RYR2: variants seen among roughly 807,000 people sequenced by gnomAD.
RYR2 encodes the protein ryanodine receptor 2.
In RYR2, 227 loss-of-function variants were observed where a neutral mutation model predicts 601.1. The ratio of observed to expected loss-of-function variants is 0.38; its 90% CI spans 0.34 to 0.42. The LOEUF is 0.42. Ranked by LOEUF, RYR2 falls within the 10% of genes least tolerant of loss-of-function variation. The pLI is 1.00. For missense variants in RYR2, 4,646 were observed against 6,156.5 expected (o/e 0.75, Z 8.21); for synonymous variants, 2,223 against 2,175.1 (o/e 1.02, Z -0.61).
intron 1 of RYR2, among the ~76,000 whole-genome samples, chr1:237,116,335 A>G (rs1306510163): frequency 2.3e-4 from 35 of 152,146 alleles, no homozygotes; most frequent in Admixed American, 2.3e-3. Flanking sequence ...TGTGCCAGAA[A>G]CTGTGGTCAG....
At chr1:237,692,481 G>A (rs990363899) in intron 63 of RYR2, among the ~76,000 whole-genome samples, 4 of 152,102 alleles carry the variant, frequency 2.6e-5, no homozygotes, top group African/African-American at 9.7e-5. Context: ...AGGGTAGAAA[G>A]CACGTTTCTT....
chr1:237,444,562 A>G (rs1367839044), intron 13 of RYR2, among the ~76,000 whole-genome samples: 1 of 152,192 alleles, frequency 6.6e-6, no homozygotes, highest in East Asian at 1.9e-4. Flanking sequence ...AAACGGTTCT[A>G]CTTATATATA....
intron 10 of RYR2, among the ~76,000 whole-genome samples, chr1:237,395,809 G>A (rs1572131218): frequency 6.6e-6 from 1 of 151,976 alleles, no homozygotes; most frequent in Non-Finnish European, 1.5e-5. Context: ...ATGTCCCAAA[G>A]TGCTGGGATT....
At chr1:237,666,471 G>C (rs1414207168) in intron 56 of RYR2, 41 bp from the exon 57 acceptor site, 1 of 1,549,630 alleles carries the variant, frequency 6.5e-7, no homozygotes, top group East Asian at 2.3e-5. Context: ...CTCTTCACAA[G>C]GTTTTTAATG....
At chr1:237,432,620 A>G (rs537435951) in intron 12 of RYR2, among the ~76,000 whole-genome samples, 30 of 152,288 alleles carry the variant, frequency 2.0e-4, no homozygotes, top group African/African-American at 7.0e-4. Flanking sequence ...CTTTCCAATT[A>G]GGGCTGTCTC....
intron 10 of RYR2, among the ~76,000 whole-genome samples, chr1:237,412,849 C>T (rs932425328): frequency 3.3e-5 from 5 of 152,082 alleles, no homozygotes; most frequent in Non-Finnish European, 7.4e-5. Flanking sequence ...TGAGTATAAT[C>T]GTTTATTTGT....
At chr1:237,762,231 C>A (rs1300210792) in intron 84 of RYR2, among the ~76,000 whole-genome samples, 1 of 152,152 alleles carries the variant, frequency 6.6e-6, no homozygotes, top group Admixed American at 6.5e-5. Flanking sequence ...GCCTAAGGTT[C>A]TGGCCTGAGG....
At chr1:237,243,319 A>C (rs1003764907) in intron 1 of RYR2, among the ~76,000 whole-genome samples, 4 of 152,202 alleles carry the variant, frequency 2.6e-5, no homozygotes, top group African/African-American at 9.6e-5. Context: ...CAGAACTTCT[A>C]ACCAACTGGC....
chr1:237,521,339 A>G (rs976142642), intron 24 of RYR2, among the ~76,000 whole-genome samples: 69 of 152,198 alleles, frequency 4.5e-4, no homozygotes, highest in African/African-American at 1.6e-3. Flanking sequence ...TAGCACCTCT[A>G]GCTATTCTGT....
intron 25 of RYR2, among the ~76,000 whole-genome samples, chr1:237,539,266 T>A (rs1668994948): frequency 1.3e-5 from 2 of 152,240 alleles, no homozygotes; most frequent in East Asian, 1.9e-4. Context: ...AAGCATGTAT[T>A]TCCTGAGTGC....
At chr1:237,250,556 A>G (rs1228492257) in intron 1 of RYR2, among the ~76,000 whole-genome samples, 1 of 152,088 alleles carries the variant, frequency 6.6e-6, no homozygotes, top group Non-Finnish European at 1.5e-5. Flanking sequence ...CCCTTTACTA[A>G]GGCAGTTCCC....
chr1:237,418,032 TTTAA>T (rs773448725), intron 11 of RYR2, among the ~76,000 whole-genome samples: 71 of 151,878 alleles, frequency 4.7e-4, no homozygotes, highest in Non-Finnish European at 8.5e-4. Context: ...TATAACTATA[TTTAA>T]TTAATTAATT....
At chr1:237,591,159 T>TTCCCCCTCCTCCTCC (rs1675137803) in intron 31 of RYR2, among the ~76,000 whole-genome samples, 167 bp downstream of exon 31, 1 of 35,924 alleles carries the variant, frequency 2.8e-5, no homozygotes, top group African/African-American at 1.2e-4. Context: ...CCTCCTCCTC[T>TTCCCCCTCCTCCTCC]TCCCCCTTCT....
intron 71 of RYR2, among the ~76,000 whole-genome samples, chr1:237,714,559 C>T (rs1372287725): frequency 6.6e-6 from 1 of 152,122 alleles, no homozygotes; most frequent in East Asian, 1.9e-4. Flanking sequence ...TCTTTCTTGC[C>T]ATTTTCCTGG....
chr1:237,479,075 G>A (rs1661737045), intron 17 of RYR2, among the ~76,000 whole-genome samples: 1 of 152,098 alleles, frequency 6.6e-6, no homozygotes, highest in African/African-American at 2.4e-5. Context: ...AGTTACATTG[G>A]GTGATGCAGG....
At chr1:237,401,219 A>C (rs1374856058) in intron 10 of RYR2, among the ~76,000 whole-genome samples, 1 of 152,202 alleles carries the variant, frequency 6.6e-6, no homozygotes, top group African/African-American at 2.4e-5. Context: ...GATAATCAAA[A>C]TTAAACAGGC....
chr1:237,808,957 A>G lies in RYR2; in HGVS notation c.14355A>G (p.Ala4785=), dbSNP rs1660963667. 1 of 1,613,152 alleles carries G rather than the reference A, an allele frequency of 6.2e-7. No individual in the cohort carries two copies. The highest frequency in any genetic ancestry group is 1.1e-5 in the South Asian group (1 of 91,068). The change falls in exon 100 of 105, where the codon GCA becomes GCG. Residue 4785 remains alanine (A), a synonymous_variant. Transcript: ENST00000366574. ...AVVVYLYTVV[A]FNFFRKFYNK... is the part of the protein sequence containing the mutation. ...TTGTATACCTATACACTGTGGTGGCATTCAATTTTTTCCGAAAATTCTACA... is the reference window on the plus strand; with the variant it reads ...TTGTATACCTATACACTGTGGTGGCGTTCAATTTTTTCCGAAAATTCTACA...
At chr1:237,550,470 A>T in intron 26 of RYR2, 74 bp from the exon 27 acceptor site, 1 of 1,511,472 alleles carries the variant, frequency 6.6e-7, no homozygotes, top group Non-Finnish European at 9.0e-7. Flanking sequence ...TTAAAGTTTG[A>T]TGTATTTGGT....
chr1:237,369,696 G>T (rs534251203), intron 6 of RYR2, 88 bp downstream of exon 6: 1 of 1,021,110 alleles, frequency 9.8e-7, no homozygotes, highest in Non-Finnish European at 1.5e-6. Flanking sequence ...CATCATTTCT[G>T]CAATGGTATT....
Sources: allele counts gnomAD v4.1 joint callset (sites outside exome capture counted in the v4.1 genomes callset), GRCh38; gene constraint gnomAD v4.1.1; transcripts MANE v1.5; gene names NCBI Gene and HGNC (gene_info 2026-07-23, HGNC 2026-07-21).